Variants in ATRNL1 observed in about 807,000 individuals in gnomAD.
ATRNL1 encodes attractin like 1.
Under a neutral mutation model 182.7 loss-of-function variants are expected in ATRNL1, and 95 were observed. The ratio of observed to expected loss-of-function variants is 0.52; its 90% CI spans 0.44 to 0.62. The LOEUF is 0.62. Ranked by LOEUF, ATRNL1 falls within the 20% of genes least tolerant of loss-of-function variation. ATRNL1 has a pLI of 0.00. For synonymous variants in ATRNL1, 576 were observed against 568.3 expected (o/e 1.01, Z -0.19); for missense variants, 1,471 against 1,679.5 (o/e 0.88, Z 2.17).
At chr10:115,215,565 A>G (rs1375628527) in intron 8 of ATRNL1, 132 bp from the exon 9 acceptor site, 2 of 725,842 alleles carry the variant, frequency 2.8e-6, no homozygotes, top group East Asian at 6.2e-5. Flanking sequence ...TCTTGATTAA[A>G]TTAATATTAG....
chr10:115,461,429 A>G (rs1271652190), intron 21 of ATRNL1, among the ~76,000 whole-genome samples: 1 of 152,120 alleles, frequency 6.6e-6, no homozygotes, highest in Non-Finnish European at 1.5e-5. Flanking sequence ...TAAAATTACT[A>G]AAAGTAGAAG....
At chr10:115,916,103 T>C in intron 28 of ATRNL1, among the ~76,000 whole-genome samples, 1 of 152,236 alleles carries the variant, frequency 6.6e-6, no homozygotes, top group East Asian at 1.9e-4. Context: ...GTGAGTCAGC[T>C]CCTTCTCACG....
At chr10:115,193,813 TA>T (rs1164199610) in intron 8 of ATRNL1, among the ~76,000 whole-genome samples, 2 of 152,052 alleles carry the variant, frequency 1.3e-5, no homozygotes, top group African/African-American at 4.8e-5. Flanking sequence ...GAAGCTTTTC[TA>T]TTTTTTTAAT....
chr10:115,223,929 A>ATATATATATATTTTTTTTTT (rs1420143943), intron 9 of ATRNL1, among the ~76,000 whole-genome samples: 10 of 44,728 alleles, frequency 2.2e-4, no homozygotes, highest in African/African-American at 7.4e-4. Flanking sequence ...ATATATATAT[A>ATATATATATATTTTTTTTTT]TTTTTTTTTT....
At chr10:115,187,670 GT>G (rs557762991) in intron 8 of ATRNL1, among the ~76,000 whole-genome samples, 9,610 of 111,840 alleles carry the variant, frequency 0.086, 85 homozygotes, top group African/African-American at 0.13. Context: ...AGGGTGCTTG[GT>G]TTTTTTTTTT....
At chr10:115,734,224 T>G (rs7922260) in intron 27 of ATRNL1, among the ~76,000 whole-genome samples, 6,288 of 152,208 alleles carry the variant, frequency 0.041, 429 homozygotes, top group African/African-American at 0.14. Flanking sequence ...TTATTAAGTT[T>G]TAGGATCTTG....
intron 19 of ATRNL1, among the ~76,000 whole-genome samples, chr10:115,352,994 G>T (rs1856333648): frequency 6.6e-6 from 1 of 152,200 alleles, no homozygotes; most frequent in Admixed American, 6.5e-5. Context: ...GAGATGGTCT[G>T]TCCTCAAGAA....
intron 26 of ATRNL1, among the ~76,000 whole-genome samples, chr10:115,633,967 C>T (rs948616755): frequency 2.0e-5 from 3 of 151,850 alleles, no homozygotes; most frequent in African/African-American, 7.3e-5. Context: ...GTTTTATACC[C>T]TCAAGTGGAT....
chr10:115,195,202 T>A (rs1848314674), intron 8 of ATRNL1, among the ~76,000 whole-genome samples: 1 of 152,128 alleles, frequency 6.6e-6, no homozygotes, highest in African/African-American at 2.4e-5. Flanking sequence ...CCAGTGAGTT[T>A]TATACCTTTA....
At chr10:115,182,007 A>G (rs1218274137) in intron 8 of ATRNL1, among the ~76,000 whole-genome samples, 1 of 151,692 alleles carries the variant, frequency 6.6e-6, no homozygotes, top group Non-Finnish European at 1.5e-5. Context: ...ATCTCAGACT[A>G]TGGATCTTCA....
chr10:115,121,050 T>G (rs1844706016), intron 2 of ATRNL1, among the ~76,000 whole-genome samples: 1 of 152,146 alleles, frequency 6.6e-6, no homozygotes. Context: ...CATTTTTAAG[T>G]GTACAGTTCC....
At chr10:115,395,929 T>C (rs1048967121) in intron 20 of ATRNL1, among the ~76,000 whole-genome samples, 1 of 151,704 alleles carries the variant, frequency 6.6e-6, no homozygotes, top group Admixed American at 6.6e-5. Flanking sequence ...TTGACACAAA[T>C]AATAAATTCC....
At chr10:115,627,672 A>G (rs1858196452) in intron 26 of ATRNL1, among the ~76,000 whole-genome samples, 2 of 151,988 alleles carry the variant, frequency 1.3e-5, no homozygotes, top group South Asian at 4.2e-4. Flanking sequence ...ACCTCATTGT[A>G]TTTTCATACC....
intron 25 of ATRNL1, among the ~76,000 whole-genome samples, chr10:115,519,703 G>A (rs1458850876): frequency 2.0e-5 from 3 of 152,136 alleles, no homozygotes; most frequent in African/African-American, 7.2e-5. Flanking sequence ...TGTTAATTGT[G>A]TGACATATTC....
intron 26 of ATRNL1, among the ~76,000 whole-genome samples, chr10:115,725,579 A>G (rs1342206670): frequency 2.0e-5 from 3 of 152,154 alleles, no homozygotes; most frequent in Non-Finnish European, 4.4e-5. Flanking sequence ...AATCTTAGAA[A>G]ATTGTGTTCA....
intron 9 of ATRNL1, among the ~76,000 whole-genome samples, chr10:115,240,283 A>T (rs1850362021): frequency 7.1e-6 from 1 of 140,770 alleles, no homozygotes; most frequent in African/African-American, 2.7e-5. Flanking sequence ...ACAGAGTCTC[A>T]CTCTGTTGCC....
At chr10:115,158,959 G>A (rs1846650781) in intron 5 of ATRNL1, among the ~76,000 whole-genome samples, 1 of 151,680 alleles carries the variant, frequency 6.6e-6, no homozygotes, top group Non-Finnish European at 1.5e-5. Context: ...ATATGCCATA[G>A]TATATGAATT....
At chr10:115,906,113 A>G (rs1479960943) in intron 28 of ATRNL1, among the ~76,000 whole-genome samples, 1 of 152,190 alleles carries the variant, frequency 6.6e-6, no homozygotes, top group Non-Finnish European at 1.5e-5. Flanking sequence ...CACTATACCC[A>G]CATTATTCTC....
intron 26 of ATRNL1, among the ~76,000 whole-genome samples, chr10:115,555,418 G>A (rs1207701051): frequency 6.6e-6 from 1 of 151,750 alleles, no homozygotes; most frequent in African/African-American, 2.4e-5. Flanking sequence ...CTTACAGAGA[G>A]ATTTTTGTAT....
Sources: gnomAD v4.1 joint callset for allele counts (sites outside exome capture counted in the v4.1 genomes callset) on GRCh38, gnomAD v4.1.1 for gene constraint, MANE v1.5 for transcripts, NCBI Gene and HGNC (gene_info 2026-07-23, HGNC 2026-07-21) for gene names.